The following SAMD14 variants were observed in gnomAD, a reference collection of about 807,000 sequenced individuals.
The protein encoded by SAMD14 is sterile alpha motif domain-containing protein 14.
Under a neutral mutation model 46.2 loss-of-function variants are expected in SAMD14, and 27 were observed. The observed-to-expected ratio is 0.58, with a 90% CI of 0.43 to 0.81. The LOEUF (loss-of-function observed/expected upper bound fraction) is 0.81. Ranked by LOEUF, SAMD14 falls within the 30% of genes least tolerant of loss-of-function variation. SAMD14 has a pLI of 0.00. For synonymous variants in SAMD14, 241 were observed against 254.3 expected (o/e 0.95, Z 0.50); for missense variants, 559 against 582.2 (o/e 0.96, Z 0.41).
At position 50,129,836 on chromosome 17, in the gene SAMD14, GT is replaced by G. The variant is rs1466578857; in HGVS notation, c.-333del. On this transcript the variant is annotated 5_prime_UTR_variant, in exon 1 of 10. Transcript: ENST00000330175. This position sits in a 1 kb window ranked among gnomAD's most constrained non-coding sequence, Gnocchi z 5.6. ...TGTGCGTGTGCGTGTGCGTGTGTGTGTGTGTGACAGAGAGAGAGAGAGAGAG... is the reference window on the plus strand; with the variant it reads ...TGTGCGTGTGCGTGTGCGTGTGTGTGGTGTGACAGAGAGAGAGAGAGAGAG... The G allele has an allele frequency of 1.4e-5, 2 of 147,980 alleles. No individual in the cohort carries two copies. Among genetic ancestry groups the G allele is most frequent in the Non-Finnish European group, 3.0e-5 (2 of 67,434 alleles). 9.2% of individuals were successfully genotyped at this position (147,980 alleles called of 1,614,324 possible).
intron 2 of SAMD14, among the ~76,000 whole-genome samples, chr17:50,119,927 G>T (rs770029984): frequency 6.6e-6 from 1 of 152,022 alleles, no homozygotes; most frequent in Non-Finnish European, 1.5e-5. Context: ...TTGCTCAGCT[G>T]AACCCCTGGA....
In SAMD14 at chr17:50,111,489, C is replaced by T. The variant is rs1910839322; in HGVS notation, c.*1404G>A. 2.0e-5 allele frequency: 3 copies of T among 152,294 alleles called. No individual in the cohort carries two copies. Among genetic ancestry groups the T allele is most frequent in the African/African-American group, 4.8e-5 (2 of 41,448 alleles). The allele number at this position is 152,294 out of a possible 1,614,324, so 9.4% of individuals were successfully genotyped here. ...CAGTGTCCTCATATCTGTTTCCCTC[C>T]GAAGCCCCTCTCCCAGCACAGATAG... is the stretch of plus-strand genomic sequence containing the variant. On this transcript the variant is annotated 3_prime_UTR_variant, in exon 10 of 10. Coordinates refer to ENST00000330175, the MANE Select transcript of SAMD14 (RefSeq NM_001257359.2).
chr17:50,124,119 ACTC>A (rs1192221143), intron 2 of SAMD14: 6 of 455,294 alleles, frequency 1.3e-5, no homozygotes, highest in African/African-American at 8.0e-5. Context: ...TTTGCTCAGG[ACTC>A]CTCCTGACTC....
intron 4 of SAMD14, among the ~76,000 whole-genome samples, chr17:50,116,753 C>A (rs551902056): frequency 6.6e-6 from 1 of 152,236 alleles, no homozygotes; most frequent in South Asian, 2.1e-4. Context: ...GCTCAAATGT[C>A]ATTTCCAGGA....
intron 9 of SAMD14, chr17:50,113,425 G>A (rs899147948): frequency 1.9e-5 from 5 of 257,720 alleles, no homozygotes; most frequent in Admixed American, 5.0e-5. Flanking sequence ...ACTTCCTGGG[G>A]GCTCTTTTCA....
chr17:50,126,858 G>T (rs1279841627), intron 1 of SAMD14, among the ~76,000 whole-genome samples: 1 of 151,842 alleles, frequency 6.6e-6, no homozygotes, highest in Non-Finnish European at 1.5e-5. Context: ...CCAGCACTTT[G>T]GGAGGCCGAG....
At chr17:50,113,236 T>C (rs1910965495) in intron 9 of SAMD14, 188 bp from the exon 10 acceptor site, 4 of 635,920 alleles carry the variant, frequency 6.3e-6, no homozygotes, top group Non-Finnish European at 1.1e-5. Flanking sequence ...TTGGAATGAG[T>C]GTGGTTGGGA....
At chr17:50,113,293 A>ATTCC in intron 9 of SAMD14, 1 of 502,042 alleles carries the variant, frequency 2.0e-6, no homozygotes, top group Non-Finnish European at 3.6e-6. Context: ...CTCCCCCACC[A>ATTCC]TTCCTCCACT....
intron 2 of SAMD14, among the ~76,000 whole-genome samples, chr17:50,122,471 C>T (rs1396716577): frequency 2.6e-5 from 4 of 152,160 alleles, no homozygotes; most frequent in Non-Finnish European, 2.9e-5. Flanking sequence ...CATTTCAATC[C>T]TCTGCCCAGC....
At chr17:50,116,280 A>T (rs1217395447) in intron 4 of SAMD14, 190 bp from the exon 5 acceptor site, 1 of 783,106 alleles carries the variant, frequency 1.3e-6, no homozygotes, top group Non-Finnish European at 2.0e-6. Flanking sequence ...AAATATGGGG[A>T]TAATAACATC....
At chr17:50,113,710 T>G in intron 9 of SAMD14, 2 of 577,754 alleles carry the variant, frequency 3.5e-6, no homozygotes, top group Non-Finnish European at 6.1e-6. Flanking sequence ...TGGACTAGAG[T>G]TTCAAGTCAA....
intron 2 of SAMD14, among the ~76,000 whole-genome samples, chr17:50,123,158 C>A (rs370417198): frequency 6.6e-6 from 1 of 152,340 alleles, no homozygotes; most frequent in South Asian, 2.1e-4. Context: ...AGAAGGGACT[C>A]CAGGAATCCC....
Position 50,125,295 on chromosome 17 carries a change from CT to C in SAMD14, c.-12-325del, listed in dbSNP as rs372795510. On this transcript the variant is annotated intron_variant, in intron 1 of 9. Transcript: ENST00000330175. ...TGGGTCACTGAACTTCTCCCCTTCA[CT>C]GTCTTGGGCCTTCGCATCATTAGCA... The C allele has an allele frequency of 8.7e-4, 272 of 312,860 alleles. 1 individual carries two copies. Among genetic ancestry groups the C allele is most frequent in the African/African-American group, 5.7e-3 (268 of 47,302 alleles). The allele number at this position is 312,860 out of a possible 1,614,324, so 19.4% of individuals were successfully genotyped here. A position where few individuals can be genotyped will look rare whatever the true frequency, so the allele number is the denominator to read the frequency against.
rs553544374 is a variant in SAMD14, at chr17:50,130,120, C to A, written c.-616G>T. ...GGAGGAGGCGGCTGGGGCCGGGGAG[C>A]GGAGTTGCAGCTACTTCTCTGCCCG... On this transcript the variant is annotated 5_prime_UTR_variant, in exon 1 of 10. Coordinates refer to ENST00000330175, the MANE Select transcript of SAMD14 (RefSeq NM_001257359.2). The surrounding 1 kb of genome is among the most constrained non-coding windows in gnomAD (Gnocchi z 4.1). 2.6e-5 allele frequency among the ~76,000 whole-genome samples: 4 copies of A among 152,046 alleles called. No homozygotes were observed. In the East Asian group the frequency reaches 7.8e-4, roughly 30 times the overall value.
chr17:50,124,157 C>T, intron 2 of SAMD14: 1 of 456,252 alleles, frequency 2.2e-6, no homozygotes, highest in Admixed American at 2.3e-5. Context: ...CGCTGGGAAA[C>T]CGGCTTTCCG....
At chr17:50,114,635 GC>G (rs1205706132) in intron 7 of SAMD14, 5 of 562,450 alleles carry the variant, frequency 8.9e-6, no homozygotes, top group Non-Finnish European at 1.5e-5. Flanking sequence ...TCTGCTATGC[GC>G]CTCCCGCCTG....
chr17:50,117,259 A>G, intron 4 of SAMD14, 148 bp downstream of exon 4: 1 of 763,832 alleles, frequency 1.3e-6, no homozygotes, highest in Non-Finnish European at 1.8e-6. Context: ...CGCTCGGTAA[A>G]GAATGAGTGA....
chr17:50,119,867 C>G (rs1255091567), intron 2 of SAMD14, among the ~76,000 whole-genome samples: 2 of 152,192 alleles, frequency 1.3e-5, no homozygotes, highest in African/African-American at 4.8e-5. Context: ...TCTCTCCCAC[C>G]CCAGAGCTGC....
chr17:50,112,580 C>A lies in SAMD14; in HGVS notation c.*313G>T. On this transcript the variant is annotated 3_prime_UTR_variant, in exon 10 of 10. Transcript: ENST00000330175. ...GATGGCCTGAGGGCAATGGGACAGCCTGACCCAGCCTCCCAGACTTGCCTC... is the reference window on the plus strand; with the variant it reads ...GATGGCCTGAGGGCAATGGGACAGCATGACCCAGCCTCCCAGACTTGCCTC... The A allele has an allele frequency of 4.1e-6, 1 of 241,862 alleles. No individual in the cohort carries two copies. The highest frequency in any genetic ancestry group is 7.9e-6 in the Non-Finnish European group (1 of 125,976). The allele number at this position is 241,862 out of a possible 1,614,324, so 15.0% of individuals were successfully genotyped here. A position where few individuals can be genotyped will look rare whatever the true frequency, so the allele number is the denominator to read the frequency against.
Sources: gnomAD v4.1 joint callset for allele counts (sites outside exome capture counted in the v4.1 genomes callset) on GRCh38, gnomAD v4.1.1 for gene constraint, Gnocchi (gnomAD v3.1) non-coding constraint, MANE v1.5 for transcripts, NCBI Gene and HGNC (gene_info 2026-07-23, HGNC 2026-07-21) for gene names.